The following GOLGA4 variants were observed in gnomAD, a reference collection of about 807,000 sequenced individuals.
The protein encoded by GOLGA4 is golgin subfamily A member 4.
Under a neutral mutation model 265.9 loss-of-function variants are expected in GOLGA4, and 169 were observed. The observed-to-expected ratio is 0.64, with a 90% confidence interval of 0.56 to 0.72. GOLGA4 has a LOEUF of 0.72. GOLGA4 is among the 30% of genes least tolerant of loss of function. The pLI, the probability that GOLGA4 is intolerant of heterozygous loss-of-function variation, is 0.00. For synonymous variants in GOLGA4, 923 were observed against 855.8 expected (o/e 1.08, Z -1.37); for missense variants, 2,482 against 2,483.4 (o/e 1.00, Z 0.01).
intron 10 of GOLGA4, among the ~76,000 whole-genome samples, chr3:37,310,937 C>T (rs1289399800): frequency 6.6e-6 from 1 of 152,166 alleles, no homozygotes; most frequent in African/African-American, 2.4e-5. Context: ...TCTCCCCACT[C>T]ACTTATCTTT....
chr3:37,276,022 C>T (rs573827718), intron 2 of GOLGA4: 32 of 1,612,958 alleles, frequency 2.0e-5, no homozygotes, highest in East Asian at 6.7e-5. Context: ...GTACTTCCAG[C>T]GGCAATGTAA....
chr3:37,362,337 C>T (rs11129758), intron 23 of GOLGA4, among the ~76,000 whole-genome samples: 39,759 of 146,718 alleles, frequency 0.27, 6,602 homozygotes, highest in Non-Finnish European at 0.38. Context: ...CCCGGGTTCA[C>T]GCCATTCTCC....
chr3:37,281,268 C>CT (rs1396311541), intron 2 of GOLGA4, among the ~76,000 whole-genome samples: 6 of 152,338 alleles, frequency 3.9e-5, no homozygotes, highest in Non-Finnish European at 7.3e-5. Flanking sequence ...CAGAGGGACT[C>CT]TAACTCAGAC....
At chr3:37,252,400 A>G (rs1323930578) in intron 2 of GOLGA4, among the ~76,000 whole-genome samples, 1 of 149,962 alleles carries the variant, frequency 6.7e-6, no homozygotes, top group African/African-American at 2.5e-5. Flanking sequence ...TGGGTTGTCT[A>G]CAGGTTTTGG....
chr3:37,277,946 AG>A (rs2096823886), intron 2 of GOLGA4, among the ~76,000 whole-genome samples: 1 of 152,200 alleles, frequency 6.6e-6, no homozygotes, highest in Non-Finnish European at 1.5e-5. Flanking sequence ...TACAGAAAGC[AG>A]CATTTTTAAA....
chr3:37,288,545 C>T (rs1443372374), intron 4 of GOLGA4, among the ~76,000 whole-genome samples: 14 of 147,272 alleles, frequency 9.5e-5, no homozygotes, highest in South Asian at 2.2e-4. Flanking sequence ...GGTGCGATCT[C>T]GGCTCACTGC....
intron 20 of GOLGA4, among the ~76,000 whole-genome samples, chr3:37,344,714 G>C (rs746144629): frequency 1.3e-5 from 2 of 151,908 alleles, no homozygotes; most frequent in Non-Finnish European, 2.9e-5. Flanking sequence ...TTTAAGAATT[G>C]TTTATTCTTA....
intron 2 of GOLGA4, chr3:37,275,549 G>A (rs1284493174): frequency 1.1e-5 from 11 of 985,192 alleles, no homozygotes; most frequent in African/African-American, 3.2e-5. Flanking sequence ...CGCGGGCTTC[G>A]TTTGTGAGGA....
Position 37,275,215 on chromosome 3 carries a change from C to CAAA in GOLGA4, c.163-6719_163-6717dup, listed in dbSNP as rs749758741. ...TGGGCGACAGAGCGAGACTCCGTCT[C>CAAA]AAAAAAAAAAAAAAAAAAAAAAAAA... is the stretch of plus-strand genomic sequence containing the variant. On this transcript the variant is annotated intron_variant, in intron 2 of 23. Transcript: ENST00000361924. 1.1e-3 allele frequency among the ~76,000 whole-genome samples: 51 copies of CAAA among 44,926 alleles called. No homozygotes were observed. In the South Asian group the frequency reaches 0.016, roughly 14 times the overall value. The allele number at this position is 44,926 out of a possible 152,430, so 29.5% of individuals were successfully genotyped here. A position where few individuals can be genotyped will look rare whatever the true frequency, so the allele number is the denominator to read the frequency against.
In GOLGA4 at chr3:37,326,107, A is replaced by G; in HGVS notation, c.4221A>G (p.Lys1407=). The change falls in exon 14 of 24, where the codon AAA becomes AAG. Residue 1407 remains lysine, a synonymous_variant. Coordinates refer to ENST00000361924, the MANE Select transcript of GOLGA4 (RefSeq NM_002078.5). ...SSLRKQYDEE[K]CELLDQVQDL... is the part of the protein sequence containing the mutation. ...TAAGAAAGCAGTATGATGAAGAAAAATGTGAATTGCTGGATCAGGTGCAAG... is the reference window on the plus strand; with the variant it reads ...TAAGAAAGCAGTATGATGAAGAAAAGTGTGAATTGCTGGATCAGGTGCAAG... 2 of 1,613,800 alleles carry G rather than the reference A, an allele frequency of 1.2e-6. No homozygotes were observed. Among genetic ancestry groups the G allele is most frequent in the Non-Finnish European group, 1.7e-6 (2 of 1,179,760 alleles).
intron 16 of GOLGA4, 101 bp from the exon 17 acceptor site, chr3:37,334,952 T>C (rs2097004880): frequency 1.6e-6 from 1 of 638,418 alleles, no homozygotes; most frequent in East Asian, 2.8e-5. Flanking sequence ...GGTAGTTTTC[T>C]CTATACCATG....
At chr3:37,329,971 T>C (rs1001681042) in intron 16 of GOLGA4, among the ~76,000 whole-genome samples, 5 of 149,214 alleles carry the variant, frequency 3.4e-5, no homozygotes, top group Admixed American at 6.6e-5. Context: ...CTAATAATTA[T>C]TTTAAATGTA....
Position 37,329,070 on chromosome 3 carries a change from A to C in GOLGA4, c.6169A>C (p.Lys2057Gln). ...AGATGATGATCTAAAACGAACAGCC[A>C]AAAGATATGAAGAAATCCTTGATGT... ...EKDDDLKRTA[K>Q]RYEEILDARE... The change falls in exon 16 of 24, where the codon AAA becomes CAA. Residue 2057 changes from lysine (K) to glutamine (Q), a missense_variant. By Grantham distance (53) the Lys-to-Gln change is moderately conservative (BLOSUM62 1). Transcript: ENST00000361924. 1.2e-6 allele frequency: 2 copies of C among 1,608,470 alleles called. No individual in the cohort carries two copies. The highest frequency in any genetic ancestry group is 4.5e-5 in the East Asian group (2 of 44,656).
At chr3:37,298,760 C>G in intron 7 of GOLGA4, 73 bp from the exon 8 acceptor site, 7 of 956,370 alleles carry the variant, frequency 7.3e-6, no homozygotes, top group Non-Finnish European at 3.2e-6. Flanking sequence ...CTTTGACTGT[C>G]TCAGTCATAA....
intron 23 of GOLGA4, among the ~76,000 whole-genome samples, chr3:37,362,240 A>ATTTATTT (rs1696352400): frequency 1.1e-5 from 1 of 93,978 alleles, no homozygotes; most frequent in African/African-American, 4.0e-5. Context: ...TTTATTTATT[A>ATTTATTT]TTTTTTTTTT....
intron 23 of GOLGA4, among the ~76,000 whole-genome samples, chr3:37,365,813 T>C (rs1171495572): frequency 2.0e-5 from 3 of 149,812 alleles, no homozygotes; most frequent in Non-Finnish European, 3.0e-5. Flanking sequence ...TTTTTTTTTT[T>C]TTCAGAATGG....
At chr3:37,312,439 C>A (rs2096925620) in intron 10 of GOLGA4, among the ~76,000 whole-genome samples, 1 of 151,936 alleles carries the variant, frequency 6.6e-6, no homozygotes, top group African/African-American at 2.4e-5. Context: ...AACAAAGATA[C>A]CATTTTTGTT....
intron 2 of GOLGA4, among the ~76,000 whole-genome samples, chr3:37,278,766 T>G (rs778442176): frequency 5.9e-5 from 9 of 151,964 alleles, no homozygotes; most frequent in Non-Finnish European, 1.2e-4. Context: ...ACATATATGA[T>G]CTCATTAATT....
chr3:37,243,308 C>T lies in GOLGA4; in HGVS notation c.-243C>T. 1.8e-6 allele frequency: 1 copy of T among 554,024 alleles called. No individual in the cohort carries two copies. The highest frequency in any genetic ancestry group is 3.2e-6 in the Non-Finnish European group (1 of 311,622). 34.3% of individuals were successfully genotyped at this position (554,024 alleles called of 1,614,324 possible). A position where few individuals can be genotyped will look rare whatever the true frequency, so the allele number is the denominator to read the frequency against. On this transcript the variant is annotated 5_prime_UTR_variant, in exon 1 of 24. Coordinates refer to ENST00000361924, the MANE Select transcript of GOLGA4 (RefSeq NM_002078.5). Reference sequence around the variant, plus strand: ...GCCGTTGTCGTCGCCGCCGCGGCTCCCGGGGCTGGATGGGGGGCCGAGGCC... The same window carrying T: ...GCCGTTGTCGTCGCCGCCGCGGCTCTCGGGGCTGGATGGGGGGCCGAGGCC...
Sources: allele counts gnomAD v4.1 joint callset (sites outside exome capture counted in the v4.1 genomes callset), GRCh38; gene constraint gnomAD v4.1.1; transcripts MANE v1.5; gene names NCBI Gene and HGNC (gene_info 2026-07-23, HGNC 2026-07-21).